The following ZNF362 variants were observed in gnomAD, a reference collection of about 807,000 sequenced individuals.
ZNF362 encodes rotund homolog.
Under a neutral mutation model 42.9 loss-of-function variants are expected in ZNF362, and 11 were observed. The observed-to-expected ratio is 0.26, with a 90% CI of 0.16 to 0.42. The LOEUF is 0.42. Ranked by LOEUF, ZNF362 falls within the 20% of genes least tolerant of loss-of-function variation. The pLI, the probability that ZNF362 is intolerant of heterozygous loss-of-function variation, is 1.00. For synonymous variants in ZNF362, 255 were observed against 257.3 expected, an observed-to-expected ratio of 0.99 and a Z score of 0.09; for missense variants, 362 against 576.2, an observed-to-expected ratio of 0.63 and a Z score of 3.81.
the ZNF362 span, chr1:33,146,973 A>G: frequency 3.3e-6 from 2 of 610,350 alleles, no homozygotes; most frequent in Admixed American, 6.0e-5. Context: ...TATCAAGGTC[A>G]GAGCTACAGA....
intron 4 of ZNF362, among the ~76,000 whole-genome samples, chr1:33,278,194 C>T (rs1645965736): frequency 6.6e-6 from 1 of 152,220 alleles, no homozygotes; most frequent in Non-Finnish European, 1.5e-5. Context: ...CAGCTCCCAA[C>T]TGAGCAGCTC....
chr1:33,196,724 A>C, the ZNF362 span, among the ~76,000 whole-genome samples: 1 of 152,216 alleles, frequency 6.6e-6, no homozygotes, highest in African/African-American at 2.4e-5. Context: ...ATCAAGTATT[A>C]TGTACTGTAC....
At chr1:33,246,904 GT>G in the ZNF362 span, among the ~76,000 whole-genome samples, 75 of 152,348 alleles carry the variant, frequency 4.9e-4, 1 homozygote, top group African/African-American at 1.7e-3. Flanking sequence ...ATGCCTGTAG[GT>G]GGCTGACAGT....
intron 8 of ZNF362, 35 bp from the exon 9 acceptor site, chr1:33,298,895 T>C (rs892285967): frequency 6.3e-7 from 1 of 1,577,834 alleles, no homozygotes; most frequent in African/African-American, 1.3e-5. Flanking sequence ...CCCTTGCTGG[T>C]GGTTCCCTGT....
the ZNF362 span, among the ~76,000 whole-genome samples, chr1:33,138,636 A>AG: frequency 1.3e-4 from 19 of 147,770 alleles, no homozygotes; most frequent in Non-Finnish European, 2.4e-4. Context: ...CAAAAAAAAA[A>AG]AAAAAAAAAG....
chr1:33,167,365 A>G, the ZNF362 span, among the ~76,000 whole-genome samples: 1 of 152,342 alleles, frequency 6.6e-6, no homozygotes, highest in African/African-American at 2.4e-5. This position sits in a 1 kb window ranked among gnomAD's most constrained non-coding sequence, Gnocchi z 4.2. Flanking sequence ...CCTTATGCCC[A>G]GGGACTCAGT....
intron 6 of ZNF362, among the ~76,000 whole-genome samples, chr1:33,282,680 G>A (rs1401870780): frequency 6.6e-6 from 1 of 152,102 alleles, no homozygotes; most frequent in African/African-American, 2.4e-5. Context: ...AAATTAGCTG[G>A]GTGTGGTGGT....
the ZNF362 span, among the ~76,000 whole-genome samples, chr1:33,188,063 G>A: frequency 2.0e-5 from 3 of 152,032 alleles, no homozygotes; most frequent in Non-Finnish European, 4.4e-5. Flanking sequence ...GTGAAACCCC[G>A]TCTCTACTAA....
intron 8 of ZNF362, among the ~76,000 whole-genome samples, chr1:33,296,407 T>A (rs1419641599): frequency 6.6e-6 from 1 of 152,088 alleles, no homozygotes; most frequent in Non-Finnish European, 1.5e-5. Flanking sequence ...GCTCTGTCCC[T>A]CTGTGTCCTC....
upstream of ZNF362, among the ~76,000 whole-genome samples, chr1:33,251,898 C>T (rs182759268): frequency 6.6e-6 from 1 of 152,348 alleles, no homozygotes; most frequent in East Asian, 1.9e-4. Context: ...TGGAAGAGCT[C>T]ACCCATGTCC....
chr1:33,246,482 C>T, the ZNF362 span, among the ~76,000 whole-genome samples: 1 of 152,166 alleles, frequency 6.6e-6, no homozygotes, highest in South Asian at 2.1e-4. Context: ...CATGGAAAAG[C>T]CTGGGAATTG....
the ZNF362 span, among the ~76,000 whole-genome samples, chr1:33,180,788 T>TCTCAGATCC: frequency 6.6e-6 from 1 of 151,576 alleles, no homozygotes; most frequent in Admixed American, 6.6e-5. Context: ...TCCAGGTCTG[T>TCTCAGATCC]CTCAGATCCC....
chr1:33,289,262 C>G (rs938143661), intron 6 of ZNF362, among the ~76,000 whole-genome samples: 2 of 152,144 alleles, frequency 1.3e-5, no homozygotes, highest in Non-Finnish European at 2.9e-5. Flanking sequence ...AGATGCTCCT[C>G]TCAGGAGCGC....
At chr1:33,187,927 C>T in the ZNF362 span, among the ~76,000 whole-genome samples, 3 of 152,140 alleles carry the variant, frequency 2.0e-5, no homozygotes, top group South Asian at 4.1e-4. Context: ...TAGCTATTGT[C>T]TCAAGTATAG....
the ZNF362 span, chr1:33,165,154 G>A: frequency 4.1e-6 from 1 of 241,318 alleles, no homozygotes; most frequent in Non-Finnish European, 8.1e-6. The surrounding 1 kb of genome is among the most constrained non-coding windows in gnomAD (Gnocchi z 4.0). Context: ...CCTTCAGGAG[G>A]CAGGGGGTTT....
At chr1:33,284,851 G>T (rs1259901738) in intron 6 of ZNF362, among the ~76,000 whole-genome samples, 1 of 152,194 alleles carries the variant, frequency 6.6e-6, no homozygotes, top group Non-Finnish European at 1.5e-5. Flanking sequence ...TGCTTTCAAA[G>T]TTATCTACTT....
At chr1:33,259,280 G>A (rs866091165) in intron 1 of ZNF362, among the ~76,000 whole-genome samples, 17 of 152,162 alleles carry the variant, frequency 1.1e-4, no homozygotes, top group Admixed American at 5.9e-4. Flanking sequence ...GCTGGTGATG[G>A]TGTCATGGAA....
the ZNF362 span, among the ~76,000 whole-genome samples, chr1:33,202,390 A>C: frequency 3.3e-5 from 5 of 152,080 alleles, no homozygotes; most frequent in South Asian, 1.0e-3. Flanking sequence ...AGGTCAGGAG[A>C]TTGAGATCAT....
the ZNF362 span, among the ~76,000 whole-genome samples, chr1:33,189,653 A>ATATG: frequency 4.7e-4 from 7 of 14,938 alleles, 1 homozygote; most frequent in Admixed American, 5.6e-3. Context: ...ATATATATAT[A>ATATG]TATATATATA....
Sources: gnomAD v4.1 joint callset for allele counts (sites outside exome capture counted in the v4.1 genomes callset) on GRCh38, gnomAD v4.1.1 for gene constraint, Gnocchi (gnomAD v3.1) non-coding constraint, MANE v1.5 for transcripts, NCBI Gene and HGNC (gene_info 2026-07-23, HGNC 2026-07-21) for gene names.